Variants in TGFA observed in about 807,000 individuals in gnomAD.
TGFA encodes transforming growth factor alpha, also known as protransforming growth factor alpha.
Under a neutral mutation model 21.7 loss-of-function variants are expected in TGFA, and 12 were observed. The observed-to-expected ratio is 0.55, with a 90% confidence interval of 0.35 to 0.90. The LOEUF (loss-of-function observed/expected upper bound fraction) is 0.90, where lower values mean the gene tolerates loss of function less well. Among genes scored for constraint, TGFA ranks in the 40% least tolerant of loss-of-function variants. The pLI is 0.01. For synonymous variants in TGFA, 79 were observed against 88.1 expected (o/e 0.90, Z 0.58); for missense variants, 178 against 210.8 (o/e 0.84, Z 0.96).
At chr2:70,526,417 G>T (rs1346139307) in intron 1 of TGFA, among the ~76,000 whole-genome samples, 2 of 152,142 alleles carry the variant, frequency 1.3e-5, no homozygotes, top group African/African-American at 4.8e-5. Context: ...AGATTTTAAG[G>T]CCCCTAATGT....
chr2:70,512,804 CA>C (rs1241280854), intron 2 of TGFA, among the ~76,000 whole-genome samples: 3 of 152,134 alleles, frequency 2.0e-5, no homozygotes, highest in African/African-American at 4.8e-5. Context: ...AGGAGGGGGT[CA>C]AATAACCAAG....
intron 2 of TGFA, among the ~76,000 whole-genome samples, chr2:70,498,474 C>G (rs1255107030): frequency 6.6e-6 from 1 of 152,066 alleles, no homozygotes; most frequent in African/African-American, 2.4e-5. Context: ...GGGGCTTGGG[C>G]TAAGGGTTTT....
intron 1 of TGFA, among the ~76,000 whole-genome samples, chr2:70,536,366 C>T (rs1219962045): frequency 6.6e-6 from 1 of 152,168 alleles, no homozygotes; most frequent in African/African-American, 2.4e-5. Flanking sequence ...TCAGTAAGGA[C>T]ATAGTTGAGC....
intron 2 of TGFA, among the ~76,000 whole-genome samples, chr2:70,492,977 A>AT (rs1671478268): frequency 6.6e-6 from 1 of 152,210 alleles, no homozygotes; most frequent in Admixed American, 6.5e-5. Flanking sequence ...TCACTTAAAA[A>AT]TTTTAAAATG....
chr2:70,529,834 G>A (rs1357114384), intron 1 of TGFA, among the ~76,000 whole-genome samples: 1 of 152,204 alleles, frequency 6.6e-6, no homozygotes. Context: ...GGCACAAGTG[G>A]GAACTGGAAG....
chr2:70,527,091 C>T (rs1672660527), intron 1 of TGFA, among the ~76,000 whole-genome samples: 1 of 152,242 alleles, frequency 6.6e-6, no homozygotes, highest in Non-Finnish European at 1.5e-5. Flanking sequence ...AGCAATAGTG[C>T]TCCTTGGTAT....
chr2:70,479,376 G>A (rs1308795335), intron 2 of TGFA, among the ~76,000 whole-genome samples: 5 of 152,156 alleles, frequency 3.3e-5, no homozygotes, highest in Non-Finnish European at 2.9e-5. Flanking sequence ...ACTGACTTCT[G>A]GCTTGTAGTT....
rs368177632 is a variant in TGFA, at chr2:70,461,090, G to C, written c.215+4526C>G. Among the ~76,000 whole-genome samples, 9 of 152,232 alleles carry C rather than the reference G, an allele frequency of 5.9e-5. No individual in the cohort carries two copies. The South Asian group carries it at 1.9e-3, about 32-fold the overall frequency. On this transcript the variant is annotated intron_variant, in intron 3 of 5. Transcript: ENST00000295400. ...CCCATTACAATCCTATGAAGTATTA[G>C]TATCCTCATTTTGTGCACAAAGAAA... is the stretch of plus-strand genomic sequence containing the variant.
intron 2 of TGFA, among the ~76,000 whole-genome samples, chr2:70,480,535 A>G (rs1671082316): frequency 6.6e-6 from 1 of 152,156 alleles, no homozygotes; most frequent in Non-Finnish European, 1.5e-5. Flanking sequence ...TAAACGTGGT[A>G]TGCTGTAGTG....
chr2:70,474,470 A>G (rs1226197632), intron 2 of TGFA, among the ~76,000 whole-genome samples: 1 of 152,258 alleles, frequency 6.6e-6, no homozygotes, highest in Admixed American at 6.5e-5. Context: ...AGTAATCAGA[A>G]AGGGGCACTT....
chr2:70,505,563 T>C (rs1671897478), intron 2 of TGFA, among the ~76,000 whole-genome samples: 1 of 152,136 alleles, frequency 6.6e-6, no homozygotes. Context: ...GATACCTTTC[T>C]GGACCTACTG....
intron 2 of TGFA, among the ~76,000 whole-genome samples, chr2:70,468,863 A>C (rs1483364980): frequency 2.0e-5 from 3 of 152,210 alleles, no homozygotes; most frequent in African/African-American, 7.2e-5. Flanking sequence ...ACAATGTAAT[A>C]ATAATAGAAA....
intron 2 of TGFA, among the ~76,000 whole-genome samples, chr2:70,505,788 T>C (rs1159516593): frequency 6.6e-6 from 1 of 152,182 alleles, no homozygotes; most frequent in Non-Finnish European, 1.5e-5. Context: ...TGTGTTTTGG[T>C]ATTTAAGAAA....
chr2:70,523,708 C>A (rs1346921627), intron 1 of TGFA, among the ~76,000 whole-genome samples: 1 of 152,140 alleles, frequency 6.6e-6, no homozygotes, highest in Non-Finnish European at 1.5e-5. Flanking sequence ...TATCTCCTGT[C>A]CCTCCTTCTC....
intron 1 of TGFA, among the ~76,000 whole-genome samples, chr2:70,527,821 G>A (rs1672685500): frequency 6.6e-6 from 1 of 152,202 alleles, no homozygotes; most frequent in Non-Finnish European, 1.5e-5. Flanking sequence ...TTACAGCACT[G>A]TGAAGTTGGA....
chr2:70,521,739 C>G (rs146236214), intron 1 of TGFA, among the ~76,000 whole-genome samples: 1 of 151,290 alleles, frequency 6.6e-6, no homozygotes, highest in Non-Finnish European at 1.5e-5. Context: ...CTCCGCCTCC[C>G]GAGTAGCTGG....
intron 1 of TGFA, among the ~76,000 whole-genome samples, chr2:70,519,576 C>T (rs1032814310): frequency 1.3e-5 from 2 of 152,104 alleles, no homozygotes; most frequent in African/African-American, 2.4e-5. Flanking sequence ...GTAGGATGAG[C>T]GTACCATGGA....
chr2:70,520,648 G>A (rs1672419712), intron 1 of TGFA, among the ~76,000 whole-genome samples: 1 of 152,100 alleles, frequency 6.6e-6, no homozygotes, highest in Non-Finnish European at 1.5e-5. Context: ...CAAGTCACGT[G>A]GGACAGCAAC....
Position 70,472,034 on chromosome 2 carries a change from T to C in TGFA, c.95-6298A>G, listed in dbSNP as rs573338076. On this transcript the variant is annotated intron_variant, in intron 2 of 5. Transcript: ENST00000295400. ...CCCCTATTTTTTTCTCTATCTCCCT[T>C]CACTCTCCCTTTCCCACTCTATTGT... Among the ~76,000 whole-genome samples, 12 of 152,228 alleles carry C rather than the reference T, an allele frequency of 7.9e-5. No homozygotes were observed. The South Asian group carries it at 2.5e-3, about 32-fold the overall frequency.
Sources: gnomAD v4.1 joint callset for allele counts (sites outside exome capture counted in the v4.1 genomes callset) on GRCh38, gnomAD v4.1.1 for gene constraint, MANE v1.5 for transcripts, NCBI Gene and HGNC (gene_info 2026-07-23, HGNC 2026-07-21) for gene names.